UNC79: variants seen among roughly 807,000 people sequenced by gnomAD.
UNC79 encodes the protein unc-79 subunit of NALCN channel complex.
In UNC79, 37 loss-of-function variants were observed where a neutral mutation model predicts 283.1. The observed-to-expected ratio is 0.13, with a 90% CI of 0.10 to 0.17. The LOEUF (loss-of-function observed/expected upper bound fraction) is 0.17. Among genes scored for constraint, UNC79 ranks in the 10% least tolerant of loss-of-function variants. The probability of loss-of-function intolerance (pLI) is 1.00; values close to 1 mark genes in which losing one functional copy is unlikely to be tolerated. For missense variants in UNC79, 2,272 were observed against 3,211.1 expected (o/e 0.71, Z 7.07); for synonymous variants, 1,107 against 1,200.2 (o/e 0.92, Z 1.61).
At chr14:93,550,246 G>A (rs2061803268) in intron 14 of UNC79, among the ~76,000 whole-genome samples, 1 of 152,146 alleles carries the variant, frequency 6.6e-6, no homozygotes, top group African/African-American at 2.4e-5. Flanking sequence ...ATTTAAAAGA[G>A]TATGTTTAAC....
At chr14:93,497,177 G>T in exon 7 of UNC79, 1 of 1,612,684 alleles carries the variant, frequency 6.2e-7, no homozygotes. Context: ...ATGTGATTGC[G>T]TATGGGCCTT....
intron 14 of UNC79, among the ~76,000 whole-genome samples, chr14:93,544,003 C>G (rs2061491644): frequency 6.6e-6 from 1 of 151,968 alleles, no homozygotes. Flanking sequence ...TGAATTTTTG[C>G]CTAAAGGAAA....
At chr14:93,394,864 A>C (rs1174276892) in intron 1 of UNC79, among the ~76,000 whole-genome samples, 1 of 152,074 alleles carries the variant, frequency 6.6e-6, no homozygotes. Context: ...GGCATGTGCC[A>C]CCATGCCTGG....
chr14:93,496,343 ATG>A (rs1440746255), intron 5 of UNC79, 66 bp from the exon 6 acceptor site: 558 of 1,000,474 alleles, frequency 5.6e-4, no homozygotes, highest in South Asian at 1.0e-3. Context: ...TTTCTTATAT[ATG>A]TATATCAAAG....
intron 1 of UNC79, among the ~76,000 whole-genome samples, chr14:93,359,793 C>T (rs1371879049): frequency 6.6e-6 from 1 of 152,176 alleles, no homozygotes; most frequent in Non-Finnish European, 1.5e-5. Context: ...GACCCAGAAC[C>T]CCTTGAATGA....
At chr14:93,432,843 A>C (rs2055930772) in intron 1 of UNC79, among the ~76,000 whole-genome samples, 1 of 152,220 alleles carries the variant, frequency 6.6e-6, no homozygotes, top group African/African-American at 2.4e-5. Flanking sequence ...CATATTACGT[A>C]AGTAATTTCA....
chr14:93,704,574 G>T (rs769226382), intron 47 of UNC79, 51 bp from the exon 51 acceptor site: 1 of 1,600,730 alleles, frequency 6.2e-7, no homozygotes, highest in South Asian at 1.1e-5. Context: ...GCGAAGCTTT[G>T]TGGGAGAATA....
intron 13 of UNC79, among the ~76,000 whole-genome samples, 187 bp from the exon 14 acceptor site, chr14:93,542,279 C>T (rs1242897434): frequency 6.6e-6 from 1 of 152,180 alleles, no homozygotes; most frequent in African/African-American, 2.4e-5. Context: ...ATTGTTGTTG[C>T]AATCCATCTA....
chr14:93,489,055 C>T (rs984617687), intron 5 of UNC79, among the ~76,000 whole-genome samples: 2 of 152,210 alleles, frequency 1.3e-5, no homozygotes, highest in Non-Finnish European at 2.9e-5. Flanking sequence ...GATTCTCCTT[C>T]CTCAGCCTCT....
chr14:93,346,640 A>G (rs575399507), intron 1 of UNC79, among the ~76,000 whole-genome samples: 120 of 152,050 alleles, frequency 7.9e-4, no homozygotes, highest in Non-Finnish European at 1.1e-3. Flanking sequence ...TAACCTATAG[A>G]CATTTTATGG....
chr14:93,433,805 C>T (rs1354884591), intron 1 of UNC79, among the ~76,000 whole-genome samples: 1 of 152,196 alleles, frequency 6.6e-6, no homozygotes, highest in African/African-American at 2.4e-5. Flanking sequence ...TGCATTTCAA[C>T]CCAAACCAGC....
intron 47 of UNC79, among the ~76,000 whole-genome samples, chr14:93,699,030 T>G (rs2141025432): frequency 6.6e-6 from 1 of 152,336 alleles, no homozygotes; most frequent in East Asian, 1.9e-4. Context: ...GGATGGTACA[T>G]ATTTTTTCAT....
intron 14 of UNC79, among the ~76,000 whole-genome samples, chr14:93,564,914 G>T (rs990028866): frequency 1.3e-5 from 2 of 152,202 alleles, no homozygotes; most frequent in Non-Finnish European, 2.9e-5. Context: ...CCATCTGGAT[G>T]TACACGTGCA....
At chr14:93,548,603 A>T (rs1466554216) in intron 14 of UNC79, among the ~76,000 whole-genome samples, 4 of 152,316 alleles carry the variant, frequency 2.6e-5, no homozygotes, top group South Asian at 4.1e-4. Flanking sequence ...CTCACAGTAA[A>T]TCTACTCAAT....
At chr14:93,542,757 C>A in intron 14 of UNC79, 61 bp downstream of exon 14, 1 of 1,548,892 alleles carries the variant, frequency 6.5e-7, no homozygotes, top group South Asian at 1.1e-5. Context: ...GAAGTGCTGC[C>A]TTAGCCATGT....
intron 1 of UNC79, among the ~76,000 whole-genome samples, chr14:93,449,134 C>T (rs2056554978): frequency 6.6e-6 from 1 of 152,158 alleles, no homozygotes; most frequent in African/African-American, 2.4e-5. Flanking sequence ...GATACTTTGT[C>T]TCCTAATTTT....
chr14:93,390,702 A>G (rs1255407166), intron 1 of UNC79, among the ~76,000 whole-genome samples: 1 of 152,192 alleles, frequency 6.6e-6, no homozygotes, highest in Non-Finnish European at 1.5e-5. Flanking sequence ...AAAAGCAACC[A>G]TTTACAGTGG....
In UNC79 at chr14:93,706,700, A is replaced by G. The variant is rs375497853; in HGVS notation, c.7591-4A>G. 6.2e-7 allele frequency: 1 copy of G among 1,613,758 alleles called. No individual in the cohort carries two copies. The highest frequency in any genetic ancestry group is 1.3e-5 in the African/African-American group (1 of 74,916). On this transcript the variant is annotated splice_region_variant and splice_polypyrimidine_tract_variant and intron_variant, in intron 48 of 48. Transcript: ENST00000555664. ...AACTAAAACCTCTTGCCCTTTTTCG[A>G]CAGCACTTATCTGCGGGACTCCAGC... is the stretch of plus-strand genomic sequence containing the variant.
At chr14:93,385,368 T>G (rs1411885088) in intron 1 of UNC79, among the ~76,000 whole-genome samples, 1 of 149,584 alleles carries the variant, frequency 6.7e-6, no homozygotes, top group African/African-American at 2.5e-5. Context: ...ATAGTTTTCA[T>G]TGTAGAGATC....
Sources: allele counts gnomAD v4.1 joint callset (sites outside exome capture counted in the v4.1 genomes callset), GRCh38; gene constraint gnomAD v4.1.1; transcripts MANE v1.5; gene names NCBI Gene and HGNC (gene_info 2026-07-23, HGNC 2026-07-21).